Variants in POLD3 observed in about 807,000 individuals in gnomAD.
The protein encoded by POLD3 is DNA polymerase delta 3, accessory subunit, also known as DNA polymerase delta subunit 3.
In POLD3, 19 loss-of-function variants were observed where a neutral mutation model predicts 58.2. That is an observed-to-expected ratio of 0.33 (90% CI 0.23 to 0.48). The LOEUF (loss-of-function observed/expected upper bound fraction) is 0.48, where lower values mean the gene tolerates loss of function less well. Among genes scored for constraint, POLD3 ranks in the 20% least tolerant of loss-of-function variants. POLD3 has a pLI of 0.99. For synonymous variants in POLD3, 172 were observed against 193.5 expected, an observed-to-expected ratio of 0.89 and a Z score of 0.92; for missense variants, 504 against 545.5, an observed-to-expected ratio of 0.92 and a Z score of 0.76.
chr11:74,621,839 C>CCT lies in POLD3; in HGVS notation c.733+1752_733+1753dup, dbSNP rs1444889990. Among the ~76,000 whole-genome samples, 18 of 144,902 alleles carry CCT rather than the reference C, an allele frequency of 1.2e-4. No homozygotes were observed. In the East Asian group the frequency reaches 3.4e-3, roughly 28 times the overall value. ...CAAATCCAGCCAAAAATGTAGAAGA[C>CCT]CTCATTTCTTTTTATTTATTTATTT... On this transcript the variant is annotated intron_variant, in intron 7 of 11. Transcript: ENST00000263681.
intron 11 of POLD3, among the ~76,000 whole-genome samples, chr11:74,636,991 T>G (rs559457092): frequency 6.6e-6 from 1 of 152,324 alleles, no homozygotes; most frequent in South Asian, 2.1e-4. Context: ...CACTTGAGGT[T>G]TGATGGGATG....
intron 3 of POLD3, 125 bp from the exon 4 acceptor site, chr11:74,611,374 T>C (rs2031905751): frequency 1.7e-6 from 1 of 596,200 alleles, no homozygotes; most frequent in Non-Finnish European, 3.1e-6. Flanking sequence ...AATTATAACA[T>C]ATGTTTTAAG....
At chr11:74,661,938 G>C (rs925619243) in intron 4 of POLD3, among the ~76,000 whole-genome samples, 16 of 152,164 alleles carry the variant, frequency 1.1e-4, no homozygotes, top group African/African-American at 3.6e-4. Flanking sequence ...CTTTCCACAG[G>C]CCGAGGAGCC....
intron 11 of POLD3, among the ~76,000 whole-genome samples, chr11:74,639,376 A>T (rs899698993): frequency 6.6e-6 from 1 of 152,232 alleles, no homozygotes. Context: ...TATTAGAAAG[A>T]ATTATCAATA....
At chr11:74,612,198 G>A (rs1012737958) in intron 4 of POLD3, among the ~76,000 whole-genome samples, 3 of 152,158 alleles carry the variant, frequency 2.0e-5, no homozygotes, top group Non-Finnish European at 4.4e-5. Flanking sequence ...TAGGGTGGGG[G>A]TATTTTACCA....
chr11:74,613,634 T>C (rs1187057099), intron 5 of POLD3, among the ~76,000 whole-genome samples: 1 of 152,156 alleles, frequency 6.6e-6, no homozygotes, highest in Non-Finnish European at 1.5e-5. Flanking sequence ...CTTTGTGGGG[T>C]TGTATTGATA....
intron 4 of POLD3, chr11:74,652,878 G>T: frequency 6.2e-6 from 1 of 161,576 alleles, no homozygotes; most frequent in East Asian, 1.7e-4. Context: ...ATGATTTACA[G>T]GTTGTTCAAA....
chr11:74,668,576 G>C (rs76660053), intron 4 of POLD3, among the ~76,000 whole-genome samples: 6,110 of 152,186 alleles, frequency 0.04, 189 homozygotes, highest in Non-Finnish European at 0.062. Context: ...AAAATACCCA[G>C]TACAGGGCCA....
chr11:74,638,673 G>A (rs574808065), intron 11 of POLD3: 6 of 456,004 alleles, frequency 1.3e-5, no homozygotes, highest in African/African-American at 8.0e-5. Context: ...ATTGCTGAAC[G>A]AATAGGTATG....
Position 74,641,373 on chromosome 11 carries a change from G to A in POLD3, c.*607G>A, listed in dbSNP as rs1329741059. 3.0e-6 allele frequency: 3 copies of A among 985,310 alleles called. No individual in the cohort carries two copies. The highest frequency in any genetic ancestry group is 3.6e-6 in the Non-Finnish European group (3 of 829,944). The allele number at this position is 985,310 out of a possible 1,614,324, so 61.0% of individuals were successfully genotyped here. ...CGGACACCTGGCTACAGACCAGGAC[G>A]TGGCTTGTGTTCTGTTCCTTTCACA... On this transcript the variant is annotated 3_prime_UTR_variant, in exon 12 of 12. Transcript: ENST00000263681.
In POLD3 at chr11:74,649,015, T is replaced by C. The variant is rs75514021; in HGVS notation, c.369+12740T>C. 7.9e-3 allele frequency among the ~76,000 whole-genome samples: 1,204 copies of C among 152,258 alleles called. 14 individuals are homozygous for C. Among genetic ancestry groups the C allele is most frequent in the African/African-American group, 0.028 (1,165 of 41,536 alleles). ...AGCCTTTTGCTAGGTCGTCTCATGC[T>C]TGGAAATTCTCTGGCTCTTGCCTGA... On this transcript the variant is annotated intron_variant, in intron 4 of 4. Coordinates refer to the POLD3 transcript ENST00000524752.
intron 3 of POLD3, among the ~76,000 whole-genome samples, chr11:74,605,835 GC>G (rs1366599107): frequency 1.3e-5 from 2 of 152,318 alleles, no homozygotes; most frequent in Admixed American, 1.3e-4. Flanking sequence ...TGTGATCCCA[GC>G]CCTTTGGGAA....
rs1265514104 is a variant in POLD3, at chr11:74,640,988, A to T, written c.*222A>T. On this transcript the variant is annotated 3_prime_UTR_variant, in exon 12 of 12. Coordinates refer to ENST00000263681, the MANE Select transcript of POLD3 (RefSeq NM_006591.3). ...TGTTACCTTCTAATGACATTTAAAA[A>T]GCACAGTCTTTGACCTGTCCAGGAG... The T allele has an allele frequency of 1.9e-5, 24 of 1,235,978 alleles. No homozygotes were observed. The highest frequency in any genetic ancestry group is 2.3e-5 in the Non-Finnish European group (23 of 989,256). The allele number at this position is 1,235,978 out of a possible 1,614,324, so 76.6% of individuals were successfully genotyped here. A position where few individuals can be genotyped will look rare whatever the true frequency, so the allele number is the denominator to read the frequency against.
intron 1 of POLD3, 30 bp downstream of exon 1, chr11:74,592,748 G>A: frequency 1.2e-6 from 2 of 1,613,008 alleles, no homozygotes; most frequent in African/African-American, 1.3e-5. Context: ...GAACGCGGGC[G>A]TGCGACCGGG....
At chr11:74,640,296 GGCCATTTA>G in intron 11 of POLD3, among the ~76,000 whole-genome samples, 2 of 152,272 alleles carry the variant, frequency 1.3e-5, no homozygotes, top group Admixed American at 1.3e-4. Flanking sequence ...ACTGATAAAG[GGCCATTTA>G]AAGGCATGGG....
chr11:74,619,241 G>A (rs1460939725), intron 6 of POLD3, among the ~76,000 whole-genome samples: 1 of 151,912 alleles, frequency 6.6e-6, no homozygotes, highest in African/African-American at 2.4e-5. Flanking sequence ...TTTTGTTTTT[G>A]CCTTATTTGC....
intron 8 of POLD3, among the ~76,000 whole-genome samples, chr11:74,627,962 G>A (rs1034526371): frequency 9.2e-5 from 14 of 152,114 alleles, no homozygotes; most frequent in African/African-American, 3.4e-4. Context: ...TTTTTCAAAT[G>A]TTTAATAAAA....
At chr11:74,611,476 A>G (rs760636221) in intron 3 of POLD3, 23 bp from the exon 4 acceptor site, 3 of 1,446,528 alleles carry the variant, frequency 2.1e-6, no homozygotes, top group Non-Finnish European at 1.9e-6. Context: ...ATTAAGCACT[A>G]ATAAAGTGTT....
chr11:74,664,124 G>A (rs575959256), intron 4 of POLD3, among the ~76,000 whole-genome samples: 2 of 152,268 alleles, frequency 1.3e-5, no homozygotes, highest in African/African-American at 2.4e-5. Context: ...AAAATCAAAC[G>A]GTGGCAACAG....
Sources: gnomAD v4.1 joint callset for allele counts (sites outside exome capture counted in the v4.1 genomes callset) on GRCh38, gnomAD v4.1.1 for gene constraint, MANE v1.5 for transcripts, NCBI Gene and HGNC (gene_info 2026-07-23, HGNC 2026-07-21) for gene names.